Variants in PAPPA observed in about 807,000 individuals in gnomAD.
The protein encoded by PAPPA is pappalysin-1.
Under a neutral mutation model 164.0 loss-of-function variants are expected in PAPPA, and 60 were observed. The observed-to-expected ratio is 0.37, with a 90% CI of 0.30 to 0.45. The LOEUF (loss-of-function observed/expected upper bound fraction) is 0.45, where lower values mean the gene tolerates loss of function less well. Ranked by LOEUF, PAPPA falls within the 20% of genes least tolerant of loss-of-function variation. PAPPA has a pLI of 1.00. For missense variants in PAPPA, 1,782 were observed against 2,087.3 expected (o/e 0.85, Z 2.85); for synonymous variants, 875 against 814.1 (o/e 1.07, Z -1.27).
At chr9:116,289,997 T>C (rs1323439) in intron 9 of PAPPA, among the ~76,000 whole-genome samples, 38,571 of 152,076 alleles carry the variant, frequency 0.25, 5,220 homozygotes, top group Admixed American at 0.35. Context: ...CATTTGATAA[T>C]TGGGGAGATG....
chr9:116,213,137 G>T (rs1844328915), intron 4 of PAPPA, among the ~76,000 whole-genome samples: 1 of 152,204 alleles, frequency 6.6e-6, no homozygotes, highest in South Asian at 2.1e-4. Context: ...GGCTATATGA[G>T]TAGGGCTTTA....
At chr9:116,337,505 CACTTTT>C in intron 13 of PAPPA, among the ~76,000 whole-genome samples, 1 of 152,286 alleles carries the variant, frequency 6.6e-6, no homozygotes, top group Non-Finnish European at 1.5e-5. Context: ...TAAATAGCAT[CACTTTT>C]TATAACACAA....
intron 1 of PAPPA, among the ~76,000 whole-genome samples, chr9:116,159,223 G>A (rs977815899): frequency 6.6e-6 from 1 of 152,198 alleles, no homozygotes; most frequent in Non-Finnish European, 1.5e-5. Flanking sequence ...TGTAAAGTGG[G>A]CATAATGACA....
chr9:116,202,607 G>T (rs1844184174), intron 2 of PAPPA, among the ~76,000 whole-genome samples: 1 of 152,152 alleles, frequency 6.6e-6, no homozygotes, highest in Non-Finnish European at 1.5e-5. Flanking sequence ...CTCTTGAGAG[G>T]CGGCTCAGGG....
At chr9:116,169,274 T>C (rs995152161) in intron 1 of PAPPA, among the ~76,000 whole-genome samples, 1 of 149,312 alleles carries the variant, frequency 6.7e-6, no homozygotes, top group Non-Finnish European at 1.5e-5. Context: ...TTAAGTCCCT[T>C]CCATGTGGCT....
At chr9:116,301,571 A>G (rs1845579411) in intron 9 of PAPPA, among the ~76,000 whole-genome samples, 1 of 152,256 alleles carries the variant, frequency 6.6e-6, no homozygotes, top group Non-Finnish European at 1.5e-5. Flanking sequence ...ATCAAGAAAC[A>G]TGCATAGGTC....
intron 2 of PAPPA, among the ~76,000 whole-genome samples, chr9:116,190,436 T>G (rs1161249037): frequency 1.3e-5 from 2 of 152,162 alleles, no homozygotes; most frequent in African/African-American, 4.8e-5. Context: ...AATTTCAAGA[T>G]TCAGAAAGAT....
Position 116,268,227 on chromosome 9 carries a change from G to A in PAPPA, c.2861+2242G>A, listed in dbSNP as rs186077810. 4.6e-5 allele frequency among the ~76,000 whole-genome samples: 7 copies of A among 152,286 alleles called. No homozygotes were observed. The East Asian group carries it at 1.4e-3, about 29-fold the overall frequency. On this transcript the variant is annotated intron_variant, in intron 8 of 21. Transcript: ENST00000328252. ...TTGTTTGAGCTATTTAACATACAATGCTGTATGTATTTAAGATCCACATTC... is the reference window on the plus strand; with the variant it reads ...TTGTTTGAGCTATTTAACATACAATACTGTATGTATTTAAGATCCACATTC...
At chr9:116,253,229 C>G (rs1029067956) in intron 7 of PAPPA, among the ~76,000 whole-genome samples, 2 of 152,112 alleles carry the variant, frequency 1.3e-5, no homozygotes, top group Non-Finnish European at 2.9e-5. Context: ...TCTTCCTCTG[C>G]TAGCACTCTC....
chr9:116,207,299 C>A (rs534292287), intron 2 of PAPPA, among the ~76,000 whole-genome samples, 157 bp from the exon 3 acceptor site: 1 of 152,236 alleles, frequency 6.6e-6, no homozygotes, highest in Non-Finnish European at 1.5e-5. Flanking sequence ...AAAATGGAAT[C>A]ATCTTACTTA....
At chr9:116,205,357 C>A (rs1249103947) in intron 2 of PAPPA, among the ~76,000 whole-genome samples, 2 of 152,184 alleles carry the variant, frequency 1.3e-5, no homozygotes, top group African/African-American at 4.8e-5. Context: ...TCTCTTGAAG[C>A]TTTCTCATCT....
chr9:116,241,734 T>C (rs952758975), intron 7 of PAPPA, among the ~76,000 whole-genome samples: 1 of 152,172 alleles, frequency 6.6e-6, no homozygotes, highest in African/African-American at 2.4e-5. Flanking sequence ...ATCTTAGTTA[T>C]AACATTGATA....
chr9:116,236,420 A>C (rs1344576665), intron 7 of PAPPA, among the ~76,000 whole-genome samples: 1 of 151,952 alleles, frequency 6.6e-6, no homozygotes, highest in Non-Finnish European at 1.5e-5. Context: ...CCCCGTCTCT[A>C]CTAATAATAC....
intron 10 of PAPPA, among the ~76,000 whole-genome samples, chr9:116,316,077 A>G (rs1885983): frequency 0.59 from 89,162 of 152,122 alleles, 28,510 homozygotes; most frequent in East Asian, 0.84. Flanking sequence ...TGAAACCAGA[A>G]CCATGTCCCT....
chr9:116,362,714 G>T lies in PAPPA; in HGVS notation c.4470G>T (p.Leu1490=). Residue 1490 remains leucine (L), a synonymous_variant, in exon 18 of 22, where the codon CTG becomes CTT. Coordinates refer to ENST00000328252, the MANE Select transcript of PAPPA (RefSeq NM_002581.5). ...ACGAGCTCAACAGCAACCTCAAACT[G>T]CAGTGCCCTGATGGCTATGCCATAG... ...VPNELNSNLK[L]QCPDGYAIGS... The T allele has an allele frequency of 6.2e-7, 1 of 1,613,938 alleles. No homozygotes were observed. The highest frequency in any genetic ancestry group is 8.5e-7 in the Non-Finnish European group (1 of 1,179,928).
chr9:116,155,099 A>G (rs374105888), intron 1 of PAPPA, among the ~76,000 whole-genome samples: 3 of 152,128 alleles, frequency 2.0e-5, no homozygotes, highest in African/African-American at 7.2e-5. Flanking sequence ...AAGTGCCCCA[A>G]AGTTGCTCAC....
chr9:116,243,630 A>G (rs1844762007), intron 7 of PAPPA, among the ~76,000 whole-genome samples: 1 of 152,222 alleles, frequency 6.6e-6, no homozygotes. Context: ...ACAAGATGGT[A>G]TCTTGATCGA....
chr9:116,235,016 C>A, intron 6 of PAPPA, 123 bp from the exon 7 acceptor site: 1 of 1,056,398 alleles, frequency 9.5e-7, no homozygotes, highest in Admixed American at 2.0e-5. Flanking sequence ...AAGAACCTTC[C>A]TCTCCTTTTC....
At chr9:116,345,681 A>G (rs1846198442) in intron 14 of PAPPA, among the ~76,000 whole-genome samples, 1 of 152,188 alleles carries the variant, frequency 6.6e-6, no homozygotes, top group Admixed American at 6.5e-5. Context: ...GGAGTCTAGC[A>G]GTAAGACTGG....
Sources: allele counts gnomAD v4.1 joint callset (sites outside exome capture counted in the v4.1 genomes callset), GRCh38; gene constraint gnomAD v4.1.1; transcripts MANE v1.5; gene names NCBI Gene and HGNC (gene_info 2026-07-23, HGNC 2026-07-21).